Variants in SND1 observed in about 807,000 individuals in gnomAD.
The protein encoded by SND1 is staphylococcal nuclease domain-containing protein 1.
Under a neutral mutation model 121.7 loss-of-function variants are expected in SND1, and 38 were observed. The ratio of observed to expected loss-of-function variants is 0.31; its 90% confidence interval spans 0.24 to 0.41. The LOEUF is 0.41. Ranked by LOEUF, SND1 falls within the 10% of genes least tolerant of loss-of-function variation. SND1 has a pLI of 1.00. For missense variants in SND1, 868 were observed against 1,184.6 expected (o/e 0.73, Z 3.92); for synonymous variants, 401 against 447.4 (o/e 0.90, Z 1.31).
At chr7:127,812,740 G>A (rs1798356307) in intron 11 of SND1, among the ~76,000 whole-genome samples, 1 of 152,172 alleles carries the variant, frequency 6.6e-6, no homozygotes, top group South Asian at 2.1e-4. Flanking sequence ...CAGCTTTCCT[G>A]AGGAGGACTC....
chr7:127,693,084 C>T (rs1310716810), intron 2 of SND1, among the ~76,000 whole-genome samples: 1 of 152,184 alleles, frequency 6.6e-6, no homozygotes, highest in African/African-American at 2.4e-5. Flanking sequence ...TATTAATACT[C>T]AGGACTACAT....
chr7:128,082,064 CCTT>C, intron 18 of SND1: 1 of 474,438 alleles, frequency 2.1e-6, no homozygotes, highest in Non-Finnish European at 4.4e-6. Flanking sequence ...ACCTTCTCCT[CCTT>C]CCGTCCTGAG....
chr7:128,029,495 C>A lies in SND1; in HGVS notation c.1779+38439C>A, dbSNP rs778138692. On this transcript the variant is annotated intron_variant, in intron 16 of 23. Coordinates refer to ENST00000354725, the MANE Select transcript of SND1 (RefSeq NM_014390.4). The surrounding 1 kb of genome is among the most constrained non-coding windows in gnomAD (Gnocchi z 4.2). ...CTGTCCCATTGGGCAGCAACCACTTCACGGAGGACATAGGGGGAGTCCGAC... is the reference window on the plus strand; with the variant it reads ...CTGTCCCATTGGGCAGCAACCACTTAACGGAGGACATAGGGGGAGTCCGAC... 2 of 1,614,012 alleles carry A rather than the reference C, an allele frequency of 1.2e-6. No homozygotes were observed. Among genetic ancestry groups the A allele is most frequent in the Non-Finnish European group, 1.7e-6 (2 of 1,180,042 alleles).
At chr7:127,698,589 G>A (rs1796048346) in intron 3 of SND1, among the ~76,000 whole-genome samples, 3 of 152,048 alleles carry the variant, frequency 2.0e-5, no homozygotes, top group African/African-American at 4.8e-5. Flanking sequence ...TTGCTTTCTT[G>A]TCCGTCTCCC....
chr7:128,023,552 T>C (rs577400375), intron 16 of SND1, among the ~76,000 whole-genome samples: 12 of 152,348 alleles, frequency 7.9e-5, no homozygotes, highest in African/African-American at 2.2e-4. Flanking sequence ...ATCAGTGCCT[T>C]GGGACAGCTA....
At chr7:127,703,495 C>T (rs1013408806) in intron 7 of SND1, among the ~76,000 whole-genome samples, 172 bp downstream of exon 7, 1 of 152,150 alleles carries the variant, frequency 6.6e-6, no homozygotes, top group Non-Finnish European at 1.5e-5. Flanking sequence ...GGGTGGATCA[C>T]GAAGTTAGGA....
intron 10 of SND1, among the ~76,000 whole-genome samples, chr7:127,783,278 T>C (rs749439788): frequency 6.6e-6 from 1 of 152,210 alleles, no homozygotes; most frequent in Non-Finnish European, 1.5e-5. Context: ...TCTTATTCTA[T>C]CTACCTCAGC....
intron 3 of SND1, among the ~76,000 whole-genome samples, chr7:127,696,745 A>T (rs1796012344): frequency 6.6e-6 from 1 of 152,246 alleles, no homozygotes; most frequent in African/African-American, 2.4e-5. Flanking sequence ...ATTTTAAATT[A>T]TCTGTAGAGT....
chr7:127,834,857 T>C (rs766384168), intron 11 of SND1, among the ~76,000 whole-genome samples: 26 of 152,200 alleles, frequency 1.7e-4, no homozygotes, highest in South Asian at 2.1e-4. Context: ...CCTAAACATA[T>C]ATTTTCCTTG....
At chr7:127,722,784 T>C (rs1796519061) in intron 10 of SND1, among the ~76,000 whole-genome samples, 1 of 152,184 alleles carries the variant, frequency 6.6e-6, no homozygotes. Flanking sequence ...GTGATTTGAA[T>C]GTCTGGCCAA....
intron 9 of SND1, among the ~76,000 whole-genome samples, chr7:127,716,172 G>T (rs532560190): frequency 6.6e-6 from 1 of 152,044 alleles, no homozygotes; most frequent in African/African-American, 2.4e-5. Context: ...CCTTTTTCTG[G>T]ATTGTTTTGG....
chr7:128,088,325 C>A (rs1316800488), intron 21 of SND1, among the ~76,000 whole-genome samples: 1 of 151,396 alleles, frequency 6.6e-6, no homozygotes, highest in Non-Finnish European at 1.5e-5. Context: ...GTGGCACACG[C>A]CTGTACTCCC....
intron 10 of SND1, among the ~76,000 whole-genome samples, chr7:127,764,645 T>G (rs1222716114): frequency 6.6e-6 from 1 of 152,250 alleles, no homozygotes; most frequent in African/African-American, 2.4e-5. Flanking sequence ...GAGCTGATTT[T>G]CAGAAATGCT....
intron 9 of SND1, among the ~76,000 whole-genome samples, chr7:127,716,532 A>G (rs1796394231): frequency 6.6e-6 from 1 of 151,356 alleles, no homozygotes; most frequent in Non-Finnish European, 1.5e-5. Flanking sequence ...ATAGAAATGC[A>G]GCTGATTCTG....
At chr7:128,021,388 G>T (rs533220125) in intron 16 of SND1, among the ~76,000 whole-genome samples, 1 of 152,198 alleles carries the variant, frequency 6.6e-6, no homozygotes, top group African/African-American at 2.4e-5. Context: ...TTGGCTCCTG[G>T]ATGGAACTGC....
chr7:127,684,024 TCC>T (rs2116298840), intron 1 of SND1, among the ~76,000 whole-genome samples: 1 of 152,276 alleles, frequency 6.6e-6, no homozygotes, highest in African/African-American at 2.4e-5. Context: ...TAGTTGTAGA[TCC>T]ATTGTCCCCA....
At chr7:127,720,709 T>C (rs995597556) in intron 9 of SND1, among the ~76,000 whole-genome samples, 1 of 152,200 alleles carries the variant, frequency 6.6e-6, no homozygotes, top group Non-Finnish European at 1.5e-5. Context: ...GCTTTCAGAG[T>C]ATCTGAGGTA....
chr7:127,984,528 C>G (rs1802342370), intron 15 of SND1, among the ~76,000 whole-genome samples: 1 of 152,210 alleles, frequency 6.6e-6, no homozygotes, highest in African/African-American at 2.4e-5. Context: ...CATCAACCAT[C>G]TCTTTCTCTG....
chr7:127,893,054 T>A (rs565054845), intron 13 of SND1, among the ~76,000 whole-genome samples: 1 of 152,276 alleles, frequency 6.6e-6, no homozygotes, highest in African/African-American at 2.4e-5. Flanking sequence ...TAGGCAGAGC[T>A]TTTAACTTCT....
Sources: allele counts gnomAD v4.1 joint callset (sites outside exome capture counted in the v4.1 genomes callset), GRCh38; gene constraint gnomAD v4.1.1; non-coding constraint Gnocchi (gnomAD v3.1); transcripts MANE v1.5; gene names NCBI Gene and HGNC (gene_info 2026-07-23, HGNC 2026-07-21).